Variants in NPAS3 observed in about 807,000 individuals in gnomAD.
The protein encoded by NPAS3 is neuronal PAS domain-containing protein 3.
Under a neutral mutation model 73.1 loss-of-function variants are expected in NPAS3, and 14 were observed. That is an observed-to-expected ratio of 0.19 (90% CI 0.13 to 0.30). The LOEUF (loss-of-function observed/expected upper bound fraction) is 0.30. Ranked by LOEUF, NPAS3 falls within the 10% of genes least tolerant of loss-of-function variation. The pLI, the probability that NPAS3 is intolerant of heterozygous loss-of-function variation, is 1.00. For synonymous variants in NPAS3, 620 were observed against 541.5 expected (o/e 1.14, Z -2.01); for missense variants, 1,096 against 1,250.0 (o/e 0.88, Z 1.86).
intron 3 of NPAS3, among the ~76,000 whole-genome samples, chr14:33,291,833 G>A (rs1210600287): frequency 6.6e-6 from 1 of 152,196 alleles, no homozygotes; most frequent in African/African-American, 2.4e-5. Flanking sequence ...CGGAATAACG[G>A]TACTGTCAGC....
At chr14:33,780,469 T>C (rs1254203558) in intron 9 of NPAS3, among the ~76,000 whole-genome samples, 8 of 152,206 alleles carry the variant, frequency 5.3e-5, no homozygotes, top group African/African-American at 1.9e-4. Context: ...GACACTGTCA[T>C]AGACCATGTG....
At chr14:33,627,644 C>T (rs900925825) in intron 5 of NPAS3, among the ~76,000 whole-genome samples, 1 of 152,180 alleles carries the variant, frequency 6.6e-6, no homozygotes, top group Admixed American at 6.5e-5. Context: ...TAACTTTGCA[C>T]AGTTTCCTAC....
At chr14:33,209,373 C>T (rs2046947838) in intron 2 of NPAS3, among the ~76,000 whole-genome samples, 1 of 152,080 alleles carries the variant, frequency 6.6e-6, no homozygotes, top group East Asian at 1.9e-4. Context: ...GGCTGTTTTA[C>T]TAAAAGTAAT....
rs141677279 is a variant in NPAS3 at position 33,391,473 on chromosome 14, G to A, written c.468+24205G>A. ...CTCCCAAAGTGCTGGGATTACAGGC[G>A]TGAGCCACTGCGCCCAGCTTGGCCC... is the stretch of plus-strand genomic sequence containing the variant. On this transcript the variant is annotated intron_variant, in intron 4 of 11. Coordinates refer to ENST00000356141, the Ensembl canonical transcript of NPAS3. Among the ~76,000 whole-genome samples the A allele has an allele frequency of 7.2e-5, 11 of 152,196 alleles. No homozygotes were observed. The East Asian group carries it at 7.7e-4, about 11-fold the overall frequency.
intron 2 of NPAS3, among the ~76,000 whole-genome samples, chr14:33,143,656 T>C (rs553357874): frequency 1.3e-4 from 20 of 152,292 alleles, no homozygotes; most frequent in African/African-American, 4.8e-4. Flanking sequence ...AGCACCTCTA[T>C]CTAGTTCTAA....
intron 4 of NPAS3, among the ~76,000 whole-genome samples, chr14:33,414,515 C>A (rs2048068009): frequency 6.6e-6 from 1 of 152,084 alleles, no homozygotes; most frequent in African/African-American, 2.4e-5. Context: ...AGCATTTCTG[C>A]TCATTACTCC....
chr14:33,030,316 G>A (rs1281713135), intron 1 of NPAS3, among the ~76,000 whole-genome samples: 1 of 152,142 alleles, frequency 6.6e-6, no homozygotes, highest in Non-Finnish European at 1.5e-5. Context: ...ATTTGAGATT[G>A]CCTGCCAATA....
At chr14:33,314,281 T>G (rs1244166200) in intron 3 of NPAS3, among the ~76,000 whole-genome samples, 3 of 152,118 alleles carry the variant, frequency 2.0e-5, no homozygotes, top group African/African-American at 7.2e-5. Flanking sequence ...TAATTACTAA[T>G]TAACTTTATT....
At chr14:33,649,241 T>A (rs750036734) in intron 5 of NPAS3, among the ~76,000 whole-genome samples, 14 of 152,180 alleles carry the variant, frequency 9.2e-5, no homozygotes, top group Admixed American at 5.9e-4. Context: ...TCTCAAATAC[T>A]CACATGGGGC....
intron 2 of NPAS3, among the ~76,000 whole-genome samples, chr14:33,149,349 C>A (rs958030586): frequency 3.3e-5 from 5 of 152,148 alleles, no homozygotes; most frequent in African/African-American, 9.7e-5. Flanking sequence ...ATTTCTTGTT[C>A]AAATAAGTTT....
intron 4 of NPAS3, among the ~76,000 whole-genome samples, chr14:33,535,903 C>G (rs1353841025): frequency 1.3e-5 from 2 of 152,160 alleles, no homozygotes; most frequent in Non-Finnish European, 2.9e-5. Context: ...CCCAGCCACG[C>G]TCTCTGCCCT....
At chr14:33,691,192 A>AC (rs2060227686) in intron 6 of NPAS3, among the ~76,000 whole-genome samples, 3 of 152,226 alleles carry the variant, frequency 2.0e-5, no homozygotes, top group Admixed American at 2.0e-4. Flanking sequence ...TTATGACCAG[A>AC]CCACCAACAG....
intron 7 of NPAS3, among the ~76,000 whole-genome samples, chr14:33,752,981 C>T (rs2062008185): frequency 6.6e-6 from 1 of 152,182 alleles, no homozygotes; most frequent in African/African-American, 2.4e-5. Flanking sequence ...AAAGGAAAAT[C>T]ATTGATGCCC....
At chr14:33,297,458 G>A (rs2042347607) in intron 3 of NPAS3, among the ~76,000 whole-genome samples, 1 of 152,020 alleles carries the variant, frequency 6.6e-6, no homozygotes, top group South Asian at 2.1e-4. Context: ...AAAAAAGGGA[G>A]ACTTTCATTT....
chr14:32,966,897 C>G (rs948563613), intron 1 of NPAS3, among the ~76,000 whole-genome samples: 3 of 151,426 alleles, frequency 2.0e-5, no homozygotes, highest in African/African-American at 7.3e-5. Flanking sequence ...TCAAAAAGCA[C>G]AGGCAACAAA....
intron 7 of NPAS3, among the ~76,000 whole-genome samples, chr14:33,744,915 C>T (rs2061749685): frequency 6.6e-6 from 1 of 152,036 alleles, no homozygotes; most frequent in South Asian, 2.1e-4. Flanking sequence ...TTGTTTGAAG[C>T]AGGGTTGCCA....
intron 7 of NPAS3, among the ~76,000 whole-genome samples, chr14:33,736,191 C>A (rs2061519622): frequency 6.6e-6 from 1 of 152,200 alleles, no homozygotes; most frequent in Non-Finnish European, 1.5e-5. Flanking sequence ...TCTGATAGTT[C>A]AGTTCTTTAA....
chr14:33,433,573 C>G (rs1181794890), intron 4 of NPAS3, among the ~76,000 whole-genome samples: 1 of 152,204 alleles, frequency 6.6e-6, no homozygotes, highest in Non-Finnish European at 1.5e-5. Context: ...TTGGAGGCAA[C>G]TACTTTGTTT....
At chr14:32,972,084 G>T (rs527648948) in intron 1 of NPAS3, among the ~76,000 whole-genome samples, 1 of 151,900 alleles carries the variant, frequency 6.6e-6, no homozygotes, top group South Asian at 2.1e-4. Flanking sequence ...GACTACAGGC[G>T]CTCGCCACCA....
Sources: allele counts gnomAD v4.1 joint callset (sites outside exome capture counted in the v4.1 genomes callset), GRCh38; gene constraint gnomAD v4.1.1; transcripts MANE v1.5; gene names NCBI Gene and HGNC (gene_info 2026-07-23, HGNC 2026-07-21).